IFFO2: variants seen among roughly 807,000 people sequenced by gnomAD.
The protein encoded by IFFO2 is intermediate filament family orphan 2.
IFFO2 carries 19 observed loss-of-function variants against 53.5 expected under a neutral mutation model. That is an observed-to-expected ratio of 0.36 (90% confidence interval 0.25 to 0.52). The LOEUF is 0.52. IFFO2 is among the 20% of genes least tolerant of loss of function. IFFO2 has a pLI of 0.94. For missense variants in IFFO2, 570 were observed against 727.4 expected (o/e 0.78, Z 2.49); for synonymous variants, 303 against 313.6 (o/e 0.97, Z 0.36).
At chr1:18,940,249 G>A (rs373454179) in intron 1 of IFFO2, among the ~76,000 whole-genome samples, 2 of 152,224 alleles carry the variant, frequency 1.3e-5, no homozygotes, top group East Asian at 3.8e-4. Context: ...CCGGCCAGGA[G>A]TGAGAGCTGT....
intron 1 of IFFO2, among the ~76,000 whole-genome samples, chr1:18,924,881 G>A (rs1333774716): frequency 6.6e-6 from 1 of 152,136 alleles, no homozygotes; most frequent in African/African-American, 2.4e-5. Flanking sequence ...CTCTCTGCAG[G>A]GCCTTTCCAT....
At position 18,919,375 on chromosome 1, in the gene IFFO2, G is replaced by A. The variant is rs111328471; in HGVS notation, c.822+303C>T. Reference sequence around the variant, plus strand: ...CACCGAGGCCTGCCCTCATCAAGGCGAGCTGGGAAGGAGTGGGAGCAAACA... The same window carrying A: ...CACCGAGGCCTGCCCTCATCAAGGCAAGCTGGGAAGGAGTGGGAGCAAACA... On this transcript the variant is annotated intron_variant, in intron 3 of 8. Coordinates refer to ENST00000455833, the MANE Select transcript of IFFO2 (RefSeq NM_001136265.2). This position sits in a 1 kb window ranked among gnomAD's most constrained non-coding sequence, Gnocchi z 4.9. 1.2e-3 allele frequency among the ~76,000 whole-genome samples: 189 copies of A among 152,280 alleles called. No individual in the cohort carries two copies. The highest frequency in any genetic ancestry group is 2.7e-3 in the South Asian group (13 of 4,828).
At chr1:18,920,872 A>C (rs981849209) in intron 2 of IFFO2, among the ~76,000 whole-genome samples, 189 bp downstream of exon 2, 2 of 152,214 alleles carry the variant, frequency 1.3e-5, no homozygotes, top group African/African-American at 4.8e-5. Flanking sequence ...GTGCTGGTCC[A>C]TTCCTAGCTT....
At position 18,944,725 on chromosome 1, in the gene IFFO2, C is replaced by G. The variant is rs115795626; in HGVS notation, c.665+10943G>C. ...ACGTACATACATGCACACTCATGGGCTCACAAGGCCCCAGCAGTAAGAGCC... is the reference window on the plus strand; with the variant it reads ...ACGTACATACATGCACACTCATGGGGTCACAAGGCCCCAGCAGTAAGAGCC... On this transcript the variant is annotated intron_variant, in intron 1 of 8. Coordinates refer to ENST00000455833, the MANE Select transcript of IFFO2 (RefSeq NM_001136265.2). 4.8e-3 allele frequency among the ~76,000 whole-genome samples: 729 copies of G among 152,294 alleles called. 6 individuals are homozygous for G. Among genetic ancestry groups the G allele is most frequent in the African/African-American group, 0.016 (679 of 41,548 alleles).
chr1:18,908,702 C>A, intron 8 of IFFO2, 36 bp from the exon 9 acceptor site: 3 of 1,468,068 alleles, frequency 2.0e-6, no homozygotes, highest in Non-Finnish European at 1.9e-6. Flanking sequence ...ATTCAGAGAG[C>A]AGCCCTGGGC....
Position 18,917,297 on chromosome 1 carries a change from C to G in IFFO2, c.964-255G>C, listed in dbSNP as rs1003156672. Among the ~76,000 whole-genome samples the G allele has an allele frequency of 1.3e-5, 2 of 152,138 alleles. No homozygotes were observed. Among genetic ancestry groups the G allele is most frequent in the Non-Finnish European group, 2.9e-5 (2 of 68,016 alleles). On this transcript the variant is annotated intron_variant, in intron 4 of 8. Coordinates refer to ENST00000455833, the MANE Select transcript of IFFO2 (RefSeq NM_001136265.2). This position sits in a 1 kb window ranked among gnomAD's most constrained non-coding sequence, Gnocchi z 5.9. ...GCCTGGTGGGTGCGCCGGCTCGGCT[C>G]GCCCTTTTACCACAGAAGCAGCCCC... is the stretch of plus-strand genomic sequence containing the variant.
At chr1:18,946,501 G>A (rs1263619843) in intron 1 of IFFO2, among the ~76,000 whole-genome samples, 4 of 137,212 alleles carry the variant, frequency 2.9e-5, no homozygotes, top group Non-Finnish European at 4.6e-5. Context: ...TGCAACCTCC[G>A]CCCTCCAAGT....
At position 18,911,372 on chromosome 1, in the gene IFFO2, C is replaced by T. The variant is rs909523694; in HGVS notation, c.1317+12G>A. ...GAGCCTCACGAGTGGGCTCCACGTC[C>T]CGAGCCCTCACCTCGATCTGACCTA... On this transcript the variant is annotated intron_variant, in intron 7 of 8. Transcript: ENST00000455833. 3.5e-6 allele frequency: 5 copies of T among 1,449,006 alleles called. No homozygotes were observed. The highest frequency in any genetic ancestry group is 2.8e-6 in the Non-Finnish European group (3 of 1,079,630). The allele number at this position is 1,449,006 out of a possible 1,614,324, so 89.8% of individuals were successfully genotyped here.
chr1:18,923,460 A>G (rs1936242414), intron 1 of IFFO2, among the ~76,000 whole-genome samples: 1 of 152,224 alleles, frequency 6.6e-6, no homozygotes, highest in Admixed American at 6.5e-5. Flanking sequence ...TTCCAGACAC[A>G]ATAACAGCAA....
intron 1 of IFFO2, among the ~76,000 whole-genome samples, chr1:18,953,821 C>T (rs924076576): frequency 6.6e-6 from 1 of 152,240 alleles, no homozygotes; most frequent in Admixed American, 6.5e-5. Context: ...TAGATCGTTG[C>T]TCAATGCCAA....
intron 1 of IFFO2, among the ~76,000 whole-genome samples, chr1:18,945,950 A>G (rs1200539060): frequency 6.6e-6 from 1 of 152,252 alleles, no homozygotes; most frequent in Non-Finnish European, 1.5e-5. Context: ...TAAACCCTGC[A>G]GGTTCCTCTC....
chr1:18,921,837 G>A (rs1334076657), intron 1 of IFFO2, among the ~76,000 whole-genome samples: 2 of 152,076 alleles, frequency 1.3e-5, no homozygotes, highest in Non-Finnish European at 2.9e-5. Flanking sequence ...AGTACTGCCC[G>A]AAGCTGAATA....
chr1:18,929,668 G>C (rs1330530347), intron 1 of IFFO2, among the ~76,000 whole-genome samples: 1 of 44,222 alleles, frequency 2.3e-5, no homozygotes, highest in Admixed American at 2.5e-4. Context: ...CTTGAGAGGT[G>C]AGAGGTGAGT....
intron 1 of IFFO2, among the ~76,000 whole-genome samples, chr1:18,939,143 G>A (rs1406375430): frequency 2.6e-5 from 4 of 152,236 alleles, no homozygotes; most frequent in African/African-American, 7.2e-5. Flanking sequence ...CACAGGGTGG[G>A]TGGGAGCGGA....
chr1:18,953,804 A>C (rs1376201508), intron 1 of IFFO2, among the ~76,000 whole-genome samples: 1 of 152,184 alleles, frequency 6.6e-6, no homozygotes, highest in Non-Finnish European at 1.5e-5. Context: ...CCTGGGTGCA[A>C]CTTGAATAGA....
chr1:18,955,703 G>T lies in IFFO2; in HGVS notation c.630C>A (p.Ala210=). Reference sequence around the variant, plus strand: ...ACTCGTCGCGCTCGCGCTTCACCTTGGCCAGCACGTTGTAGAGCGCGCGGA... The same window carrying T: ...ACTCGTCGCGCTCGCGCTTCACCTTTGCCAGCACGTTGTAGAGCGCGCGGA... The part of the protein sequence containing the change: ...PEIRALYNVL[A]KVKRERDEYK... The change falls in exon 1 of 9, where the codon GCC becomes GCA. Residue 210 remains alanine (A), a synonymous_variant. Coordinates refer to ENST00000455833, the MANE Select transcript of IFFO2 (RefSeq NM_001136265.2). 2 of 1,595,504 alleles carry T rather than the reference G, an allele frequency of 1.3e-6. No homozygotes were observed. Among genetic ancestry groups the T allele is most frequent in the African/African-American group, 1.4e-5 (1 of 74,024 alleles).
intron 1 of IFFO2, among the ~76,000 whole-genome samples, chr1:18,922,007 G>A (rs949798473): frequency 7.2e-5 from 11 of 152,134 alleles, no homozygotes; most frequent in African/African-American, 2.7e-4. Flanking sequence ...TGTTCTACAT[G>A]AAGTTAATTC....
At chr1:18,937,472 T>C (rs1457372263) in intron 1 of IFFO2, among the ~76,000 whole-genome samples, 2 of 152,140 alleles carry the variant, frequency 1.3e-5, no homozygotes, top group African/African-American at 4.8e-5. Flanking sequence ...GTGTGGAGGC[T>C]GAGCACCAGG....
intron 1 of IFFO2, among the ~76,000 whole-genome samples, chr1:18,941,796 C>G (rs2148186205): frequency 6.6e-6 from 1 of 152,338 alleles, no homozygotes. Flanking sequence ...GCTTCCAAAT[C>G]CACACAACGG....
Sources: allele counts gnomAD v4.1 joint callset (sites outside exome capture counted in the v4.1 genomes callset), GRCh38; gene constraint gnomAD v4.1.1; non-coding constraint Gnocchi (gnomAD v3.1); transcripts MANE v1.5; gene names NCBI Gene and HGNC (gene_info 2026-07-23, HGNC 2026-07-21).